Variants in RCAN3 observed in about 807,000 individuals in gnomAD.
The protein encoded by RCAN3 is regulator of calcineurin 3.
A neutral mutation model predicts 21.9 loss-of-function variants in RCAN3; 19 were observed. That is an observed-to-expected ratio of 0.87 (90% CI 0.61 to 1.27). RCAN3 has a LOEUF of 1.27. RCAN3 is among the 50% of genes most tolerant of loss of function. The pLI is 0.00. For synonymous variants in RCAN3, 114 were observed against 112.3 expected (o/e 1.01, Z -0.09); for missense variants, 240 against 300.1 (o/e 0.80, Z 1.48).
rs56914359 is a variant in RCAN3 at position 24,530,356 on chromosome 1, C to CAA, written c.196-840_196-839dup. ...GGCAACAGAGTGAGACTCTTATCTCCAAAAAAAAAAAAAAAAAAAAAAAGA... is the reference window on the plus strand; with the variant it reads ...GGCAACAGAGTGAGACTCTTATCTCCAAAAAAAAAAAAAAAAAAAAAAAAAGA... On this transcript the variant is annotated intron_variant, in intron 2 of 4. Coordinates refer to ENST00000374395, the MANE Select transcript of RCAN3 (RefSeq NM_013441.4). Among the ~76,000 whole-genome samples the CAA allele has an allele frequency of 3.4e-3, 275 of 81,286 alleles. 4 individuals carry two copies. The highest frequency in any genetic ancestry group is 4.1e-3 in the African/African-American group (84 of 20,298). 53.3% of individuals were successfully genotyped at this position (81,286 alleles called of 152,430 possible).
intron 1 of RCAN3, among the ~76,000 whole-genome samples, chr1:24,506,736 T>C (rs1206786674): frequency 6.7e-6 from 1 of 149,410 alleles, no homozygotes; most frequent in African/African-American, 2.5e-5. Context: ...AAACAGGAAA[T>C]GAAGGTGTGA....
At chr1:24,533,277 A>G (rs12061734) in intron 4 of RCAN3, 23 bp downstream of exon 4, 1 of 1,443,092 alleles carries the variant, frequency 6.9e-7, no homozygotes, top group East Asian at 2.5e-5. Flanking sequence ...TATTTTTCCT[A>G]TTTTCTTCCC....
rs891969234 is a variant in RCAN3, at chr1:24,516,373, A to G, written c.195+1806A>G. Among the ~76,000 whole-genome samples, 97 of 152,158 alleles carry G rather than the reference A, an allele frequency of 6.4e-4. 1 individual carries two copies. The highest frequency in any genetic ancestry group is 1.8e-4 in the Non-Finnish European group (12 of 68,030). On this transcript the variant is annotated intron_variant, in intron 2 of 4. Coordinates refer to ENST00000374395, the MANE Select transcript of RCAN3 (RefSeq NM_013441.4). Reference sequence around the variant, plus strand: ...AGGAGGAAGGATCACAGCCAGTTGGAATAAAAGATCTCACAGGGAGGTGGC... The same window carrying G: ...AGGAGGAAGGATCACAGCCAGTTGGGATAAAAGATCTCACAGGGAGGTGGC...
Position 24,528,050 on chromosome 1 carries a change from C to T in RCAN3, c.196-3168C>T, listed in dbSNP as rs145933955. On this transcript the variant is annotated intron_variant, in intron 2 of 4. Coordinates refer to ENST00000374395, the MANE Select transcript of RCAN3 (RefSeq NM_013441.4). ...GATATTCTTCCAATGCTTTTCACCCCAAAATGCATTTTTTGTGGAATTACA... is the reference window on the plus strand; with the variant it reads ...GATATTCTTCCAATGCTTTTCACCCTAAAATGCATTTTTTGTGGAATTACA... Among the ~76,000 whole-genome samples the T allele has an allele frequency of 3.4e-3, 522 of 152,012 alleles. 2 individuals are homozygous for T. The Middle Eastern group carries it at 0.048, about 14-fold the overall frequency.
chr1:24,531,277 A>G lies in RCAN3; in HGVS notation c.255A>G (p.Lys85=). ...YDDQVTFQLF[K]SFRRVRINFS... Reference sequence around the variant, plus strand: ...ACCAGGTTACTTTTCAGCTGTTTAAAAGCTTTAGAAGAGTCAGAATAAATT... The same window carrying G: ...ACCAGGTTACTTTTCAGCTGTTTAAGAGCTTTAGAAGAGTCAGAATAAATT... Residue 85 remains lysine (K), a synonymous_variant, in exon 3 of 5, where the codon AAA becomes AAG. Coordinates refer to ENST00000374395, the MANE Select transcript of RCAN3 (RefSeq NM_013441.4). 1 of 1,613,476 alleles carries G rather than the reference A, an allele frequency of 6.2e-7. No individual in the cohort carries two copies. Among genetic ancestry groups the G allele is most frequent in the Non-Finnish European group, 8.5e-7 (1 of 1,179,670 alleles).
At chr1:24,530,866 C>G (rs572016352) in intron 2 of RCAN3, among the ~76,000 whole-genome samples, 1 of 151,894 alleles carries the variant, frequency 6.6e-6, no homozygotes, top group Non-Finnish European at 1.5e-5. Flanking sequence ...AAAAATTAGC[C>G]GGGCATGGTG....
intron 2 of RCAN3, among the ~76,000 whole-genome samples, chr1:24,523,238 T>C (rs1648963305): frequency 6.6e-6 from 1 of 152,114 alleles, no homozygotes; most frequent in Non-Finnish European, 1.5e-5. Flanking sequence ...TAATTTTTTG[T>C]ATTTTTAGTG....
rs1650198590 is a variant in RCAN3 at position 24,535,985 on chromosome 1, C to T, written c.*708C>T. 1 of 151,228 alleles carries T rather than the reference C, an allele frequency of 6.6e-6. No individual in the cohort carries two copies. The highest frequency in any genetic ancestry group is 1.9e-4 in the East Asian group (1 of 5,200). The allele number at this position is 151,228 out of a possible 1,614,324, so 9.4% of individuals were successfully genotyped here. A position where few individuals can be genotyped will look rare whatever the true frequency, so the allele number is the denominator to read the frequency against. ...CTGATGTGGCGCCCTCCAGACATGG[C>T]TGCCCAGGAAGGACGGCCACTTTAG... is the stretch of plus-strand genomic sequence containing the variant. On this transcript the variant is annotated 3_prime_UTR_variant, in exon 5 of 5. Transcript: ENST00000374395.
chr1:24,504,294 C>T (rs899978433), intron 1 of RCAN3, among the ~76,000 whole-genome samples: 2 of 152,182 alleles, frequency 1.3e-5, no homozygotes, highest in Non-Finnish European at 2.9e-5. Flanking sequence ...TCAAGCGATC[C>T]TCCCACCTCT....
At chr1:24,522,787 T>TA (rs1648923519) in intron 2 of RCAN3, among the ~76,000 whole-genome samples, 1 of 152,016 alleles carries the variant, frequency 6.6e-6, no homozygotes, top group Non-Finnish European at 1.5e-5. Flanking sequence ...ACTCTCAAAA[T>TA]AAAAAAGGCA....
intron 1 of RCAN3, among the ~76,000 whole-genome samples, chr1:24,506,203 T>C (rs1323061018): frequency 6.6e-6 from 1 of 152,130 alleles, no homozygotes; most frequent in Non-Finnish European, 1.5e-5. Context: ...CTTGTGATAG[T>C]TGGAGTGGAG....
intron 2 of RCAN3, among the ~76,000 whole-genome samples, chr1:24,522,329 C>T (rs1648888539): frequency 6.6e-6 from 1 of 152,144 alleles, no homozygotes; most frequent in Non-Finnish European, 1.5e-5. Flanking sequence ...TCTTTCCATC[C>T]CAGCATTTCT....
chr1:24,520,575 C>G (rs1408865230), intron 2 of RCAN3, among the ~76,000 whole-genome samples: 1 of 150,922 alleles, frequency 6.6e-6, no homozygotes, highest in East Asian at 1.9e-4. Flanking sequence ...AGCAAACTAT[C>G]GCAAGGACAA....
Position 24,533,130 on chromosome 1 carries a change from C to T in RCAN3, c.417C>T (p.Pro139=), listed in dbSNP as rs2148913444. ...EVRDKSYLLP[P]QPVKQFLISP... ...GGGACAAGTCCTATCTCCTGCCGCC[C>T]CAGCCTGTCAAGCAGTTCCTCATCT... Residue 139 remains proline (P), a synonymous_variant, in exon 4 of 5, where the codon CCC becomes CCT. Coordinates refer to ENST00000374395, the MANE Select transcript of RCAN3 (RefSeq NM_013441.4). 1 of 1,581,730 alleles carries T rather than the reference C, an allele frequency of 6.3e-7. No individual in the cohort carries two copies. Among genetic ancestry groups the T allele is most frequent in the East Asian group, 2.3e-5 (1 of 42,948 alleles).
chr1:24,511,040 G>A lies in RCAN3; in HGVS notation c.-59-3274G>A, dbSNP rs563424025. On this transcript the variant is annotated intron_variant, in intron 1 of 4. Transcript: ENST00000374395. ...ATATTAAGAACACCCATGGCCGGGC[G>A]TGGTGGCTCACGCTTGTAATCCCAG... Among the ~76,000 whole-genome samples the A allele has an allele frequency of 1.7e-4, 26 of 152,288 alleles. No individual in the cohort carries two copies. In the South Asian group the frequency reaches 2.1e-3, roughly 12 times the overall value.
rs1212247082 is a variant in RCAN3 at position 24,540,749 on chromosome 1, T to C, written c.*5472T>C. ...ATCTTCTGTTATATTTTGGGGCATG[T>C]TACCTTTATGGTATATAAGCTGTAG... On this transcript the variant is annotated 3_prime_UTR_variant, in exon 5 of 5. Coordinates refer to ENST00000374395, the MANE Select transcript of RCAN3 (RefSeq NM_013441.4). 6.6e-6 allele frequency: 1 copy of C among 152,220 alleles called. No homozygotes were observed. Among genetic ancestry groups the C allele is most frequent in the Non-Finnish European group, 1.5e-5 (1 of 68,030 alleles). 9.4% of individuals were successfully genotyped at this position (152,220 alleles called of 1,614,324 possible).
intron 2 of RCAN3, among the ~76,000 whole-genome samples, chr1:24,524,823 C>CTTTTTTTTTTTTTTTTTTT (rs1408221197): frequency 8.6e-6 from 1 of 115,908 alleles, no homozygotes; most frequent in Non-Finnish European, 1.7e-5. Flanking sequence ...ATTTTGTTTT[C>CTTTTTTTTTTTTTTTTTTT]TTTTGTTTTT....
In RCAN3 at chr1:24,539,031, A is replaced by G. The variant is rs578095422; in HGVS notation, c.*3754A>G. The G allele has an allele frequency of 6.6e-5, 10 of 152,312 alleles. 1 individual carries two copies. The South Asian group carries it at 2.1e-3, about 32-fold the overall frequency. 9.4% of individuals were successfully genotyped at this position (152,312 alleles called of 1,614,324 possible). A position where few individuals can be genotyped will look rare whatever the true frequency, so the allele number is the denominator to read the frequency against. On this transcript the variant is annotated 3_prime_UTR_variant, in exon 5 of 5. Coordinates refer to ENST00000374395, the MANE Select transcript of RCAN3 (RefSeq NM_013441.4). Reference sequence around the variant, plus strand: ...GGCTTTCTTAGAGGCTCAATCACAGAGGTGAAAGTGACCTTGGAAATCATA... The same window carrying G: ...GGCTTTCTTAGAGGCTCAATCACAGGGGTGAAAGTGACCTTGGAAATCATA...
At chr1:24,516,951 C>T (rs573893976) in intron 2 of RCAN3, among the ~76,000 whole-genome samples, 1 of 152,182 alleles carries the variant, frequency 6.6e-6, no homozygotes, top group African/African-American at 2.4e-5. Flanking sequence ...GCTAAGAGCT[C>T]TAAGTTTTTA....
Sources: gnomAD v4.1 joint callset for allele counts (sites outside exome capture counted in the v4.1 genomes callset) on GRCh38, gnomAD v4.1.1 for gene constraint, MANE v1.5 for transcripts, NCBI Gene and HGNC (gene_info 2026-07-23, HGNC 2026-07-21) for gene names.